The following KIF4A variants were observed in gnomAD, a reference collection of about 807,000 sequenced individuals.
The protein encoded by KIF4A is kinesin family member 4A.
In KIF4A, 7 loss-of-function variants were observed where a neutral mutation model predicts 105.9. The ratio of observed to expected loss-of-function variants is 0.07; its 90% confidence interval spans 0.04 to 0.12. KIF4A has a LOEUF of 0.12. Ranked by LOEUF, KIF4A falls within the 10% of genes least tolerant of loss-of-function variation. KIF4A has a pLI of 1.00. For missense variants in KIF4A, 558 were observed against 929.2 expected (o/e 0.60, Z 5.19); for synonymous variants, 281 against 331.3 (o/e 0.85, Z 1.65).
intron 4 of KIF4A, among the ~76,000 whole-genome samples, chrX:70,297,504 G>A (rs2085787782): frequency 8.9e-6 from 1 of 112,156 alleles, no homozygotes; most frequent in South Asian, 3.7e-4. Context: ...TCCCTTTACT[G>A]TTTAAGACTT....
chrX:70,308,330 AATTT>A (rs1201227225), intron 7 of KIF4A, among the ~76,000 whole-genome samples: 9 of 112,295 alleles, frequency 8.0e-5, no homozygotes, highest in Non-Finnish European at 1.1e-4. Context: ...GGCATTGCCT[AATTT>A]ATTTATTTCC....
intron 15 of KIF4A, among the ~76,000 whole-genome samples, chrX:70,373,524 GTATATA>G (rs1219143158): frequency 1.7e-4 from 1 of 5,895 alleles, no homozygotes; most frequent in Non-Finnish European, 2.4e-4. Flanking sequence ...GTGTGTGTAT[GTATATA>G]TATATATATA....
At chrX:70,358,887 G>A (rs745488767) in intron 15 of KIF4A, among the ~76,000 whole-genome samples, 9 of 112,229 alleles carry the variant, frequency 8.0e-5, no homozygotes, top group Non-Finnish European at 1.3e-4. Context: ...GACAAAATAA[G>A]GGAGTTGAAG....
At chrX:70,331,460 C>T (rs1356666157) in intron 9 of KIF4A, among the ~76,000 whole-genome samples, 2 of 110,950 alleles carry the variant, frequency 1.8e-5, no homozygotes, top group Non-Finnish European at 3.8e-5. Context: ...TTACACTATA[C>T]TGTAGTATAT....
chrX:70,383,382 T>A, intron 18 of KIF4A, among the ~76,000 whole-genome samples: 1 of 111,859 alleles, frequency 8.9e-6, no homozygotes, highest in Non-Finnish European at 1.9e-5. Context: ...ATAATAAGTC[T>A]TAGCAAGAAT....
At chrX:70,394,925 T>C (rs2086253585) in intron 20 of KIF4A, among the ~76,000 whole-genome samples, 1 of 112,184 alleles carries the variant, frequency 8.9e-6, no homozygotes, top group East Asian at 2.8e-4. Flanking sequence ...AAAGCAGAAA[T>C]ATTCTCAGGG....
chrX:70,372,969 C>T (rs999713032), intron 15 of KIF4A, among the ~76,000 whole-genome samples: 1 of 112,357 alleles, frequency 8.9e-6, no homozygotes. Flanking sequence ...TATAGTCATA[C>T]TCACAGTTAA....
intron 18 of KIF4A, among the ~76,000 whole-genome samples, chrX:70,381,215 C>T (rs1184481160): frequency 9.0e-6 from 1 of 111,390 alleles, no homozygotes; most frequent in East Asian, 2.8e-4. Flanking sequence ...TATATACTAG[C>T]AATTAACAAT....
At chrX:70,302,458 T>C in intron 7 of KIF4A, 60 bp downstream of exon 7, 1 of 1,073,401 alleles carries the variant, frequency 9.3e-7, no homozygotes, top group Non-Finnish European at 1.3e-6. Flanking sequence ...CTTGTTGGTA[T>C]TGTTGGTGTT....
chrX:70,407,588 G>T (rs1320784240), intron 28 of KIF4A, among the ~76,000 whole-genome samples: 1 of 111,428 alleles, frequency 9.0e-6, no homozygotes, highest in Non-Finnish European at 1.9e-5. Flanking sequence ...AGTATAGAGG[G>T]CTGCTTGAGT....
At chrX:70,366,824 T>G (rs2086105924) in intron 15 of KIF4A, among the ~76,000 whole-genome samples, 1 of 111,512 alleles carries the variant, frequency 9.0e-6, no homozygotes, top group Non-Finnish European at 1.9e-5. Flanking sequence ...TCTGTCTCAT[T>G]GATCTGTCTA....
rs749840384 is a variant in KIF4A, at chrX:70,415,960, C to T, written c.3256-1928C>T. Among the ~76,000 whole-genome samples, 23 of 104,960 alleles carry T rather than the reference C, an allele frequency of 2.2e-4. No homozygotes were observed. The East Asian group carries it at 6.3e-3, about 29-fold the overall frequency. The allele number at this position is 104,960 out of a possible 115,157, so 91.1% of individuals were successfully genotyped here. On this transcript the variant is annotated intron_variant, in intron 28 of 30. Transcript: ENST00000374403. ...TTGGCTCACTGCAACCTCCGCCTCC[C>T]GGGTTCAAGCGATTCTCCTGCCTCA...
intron 15 of KIF4A, among the ~76,000 whole-genome samples, chrX:70,362,692 T>C (rs1028417940): frequency 1.8e-5 from 2 of 109,126 alleles, no homozygotes; most frequent in Non-Finnish European, 3.8e-5. Flanking sequence ...CCACCATGCC[T>C]GGCTAATTTT....
chrX:70,327,698 G>A (rs2085915782), intron 7 of KIF4A, among the ~76,000 whole-genome samples: 1 of 111,884 alleles, frequency 8.9e-6, no homozygotes, highest in Non-Finnish European at 1.9e-5. Flanking sequence ...GTAGGAATGA[G>A]GAAGAAAAGA....
intron 7 of KIF4A, among the ~76,000 whole-genome samples, chrX:70,320,888 C>T (rs2085887457): frequency 1.8e-5 from 2 of 111,831 alleles, no homozygotes; most frequent in Non-Finnish European, 3.8e-5. Flanking sequence ...GCCCTAAATA[C>T]CCTGACTTGA....
chrX:70,381,162 CA>C (rs199954503), intron 18 of KIF4A, among the ~76,000 whole-genome samples: 1 of 109,359 alleles, frequency 9.1e-6, no homozygotes, highest in African/African-American at 3.3e-5. Flanking sequence ...AACAAACAAA[CA>C]AAAAAAACAA....
intron 7 of KIF4A, among the ~76,000 whole-genome samples, chrX:70,310,568 CAT>C (rs2147665242): frequency 1.8e-5 from 2 of 111,143 alleles, no homozygotes; most frequent in Middle Eastern, 4.6e-3. Flanking sequence ...TTTTTGTGAA[CAT>C]ATGTTTCCAT....
At chrX:70,344,074 G>C (rs1308393655) in intron 13 of KIF4A, 92 bp downstream of exon 13, 4 of 629,013 alleles carry the variant, frequency 6.4e-6, no homozygotes, top group Non-Finnish European at 1.0e-5. Flanking sequence ...GCCTTTTGCT[G>C]AAACAACTAG....
chrX:70,322,946 C>A (rs1327026665), intron 7 of KIF4A, among the ~76,000 whole-genome samples: 2 of 110,211 alleles, frequency 1.8e-5, no homozygotes, highest in African/African-American at 6.6e-5. Flanking sequence ...TAAACTGTTT[C>A]TCGCTGCTAA....
Sources: allele counts gnomAD v4.1 joint callset (sites outside exome capture counted in the v4.1 genomes callset), GRCh38; gene constraint gnomAD v4.1.1; transcripts MANE v1.5; gene names NCBI Gene and HGNC (gene_info 2026-07-23, HGNC 2026-07-21).